MAMLD1: variants seen among roughly 807,000 people sequenced by gnomAD.
MAMLD1 encodes mastermind-like domain-containing protein 1.
MAMLD1 carries 14 observed loss-of-function variants against 45.0 expected under a neutral mutation model. The observed-to-expected ratio is 0.31, with a 90% CI of 0.21 to 0.49. The LOEUF (loss-of-function observed/expected upper bound fraction) is 0.49, where lower values mean the gene tolerates loss of function less well. MAMLD1 is among the 20% of genes least tolerant of loss of function. The pLI is 0.99. For synonymous variants in MAMLD1, 254 were observed against 247.8 expected (o/e 1.02, Z -0.24); for missense variants, 543 against 603.6 (o/e 0.90, Z 1.05).
intron 6 of MAMLD1, among the ~76,000 whole-genome samples, chrX:150,505,484 T>G (rs1389178994): frequency 1.8e-5 from 2 of 112,194 alleles, no homozygotes; most frequent in Non-Finnish European, 3.8e-5. Context: ...GTTAACTGAG[T>G]GACAGAGGGA....
intron 1 of MAMLD1, among the ~76,000 whole-genome samples, chrX:150,403,944 G>GAAAGAAAGA (rs2033901919): frequency 4.7e-5 from 2 of 42,116 alleles, no homozygotes; most frequent in Admixed American, 5.6e-4. Context: ...AGAAAGAAAA[G>GAAAGAAAGA]AAAGAAAGAA....
Position 150,382,896 on chromosome X carries a change from T to A in MAMLD1, c.-64+19366T>A, listed in dbSNP as rs1405017570. Among the ~76,000 whole-genome samples, 39 of 19,616 alleles carry A rather than the reference T, an allele frequency of 2.0e-3. 9 individuals are homozygous for A. The highest frequency in any genetic ancestry group is 0.012 in the African/African-American group (15 of 1,235). The allele number at this position is 19,616 out of a possible 115,157, so 17.0% of individuals were successfully genotyped here. The stretch of plus-strand genomic sequence containing the variant: ...TCCCATTTTATTTTATTTTTTTTTT[T>A]TTTTATTTTTTATTTTTTTTTTTTT... On this transcript the variant is annotated intron_variant, in intron 1 of 7. Transcript: ENST00000370401.
chrX:150,473,104 C>T (rs2036479062), intron 4 of MAMLD1, among the ~76,000 whole-genome samples: 1 of 112,661 alleles, frequency 8.9e-6, no homozygotes, highest in Admixed American at 9.3e-5. Flanking sequence ...CCATCAGGCC[C>T]TGCCTTGCAC....
chrX:150,482,350 G>C (rs2036842742), intron 5 of MAMLD1, among the ~76,000 whole-genome samples: 1 of 112,076 alleles, frequency 8.9e-6, no homozygotes, highest in Non-Finnish European at 1.9e-5. Context: ...TGAGTGACAG[G>C]GGCTAGGGGA....
chrX:150,434,830 T>C (rs2035069063), intron 1 of MAMLD1, among the ~76,000 whole-genome samples: 1 of 112,151 alleles, frequency 8.9e-6, no homozygotes, highest in African/African-American at 3.2e-5. Flanking sequence ...TATGTCTGAT[T>C]GTGTGGTGGA....
At chrX:150,476,840 C>G (rs1200289770) in intron 5 of MAMLD1, among the ~76,000 whole-genome samples, 2 of 113,188 alleles carry the variant, frequency 1.8e-5, no homozygotes, top group Non-Finnish European at 3.7e-5. Flanking sequence ...GAGCACCAGG[C>G]AATTGCAGAG....
In MAMLD1 at chrX:150,471,123, C is replaced by T. The variant is rs1557406489; in HGVS notation, c.1550C>T (p.Thr517Ile). 3 of 1,211,224 alleles carry T rather than the reference C, an allele frequency of 2.5e-6. No homozygotes were observed. Among genetic ancestry groups the T allele is most frequent in the Non-Finnish European group, 3.4e-6 (3 of 895,385 alleles). The change falls in exon 4 of 8, where the codon ACC becomes ATC. Residue 517 changes from threonine (T) to isoleucine (I), a missense_variant. Coordinates refer to ENST00000370401, the MANE Select transcript of MAMLD1 (RefSeq NM_005491.5). The stretch of plus-strand genomic sequence containing the variant: ...CCCATAAGCAGCAACTCATCCAAAA[C>T]CCTGAGCATGATCATGCAGCAGGGG... The part of the protein sequence containing the change: ...FKPISSNSSK[T>I]LSMIMQQGMA...
At chrX:150,378,417 A>T (rs1188672323) in intron 1 of MAMLD1, among the ~76,000 whole-genome samples, 13 of 111,951 alleles carry the variant, frequency 1.2e-4, no homozygotes, top group Non-Finnish European at 2.3e-4. Flanking sequence ...AGATATCTCC[A>T]CTGTCCAGTT....
chrX:150,407,121 A>G (rs2034017589), intron 1 of MAMLD1, among the ~76,000 whole-genome samples: 3 of 112,093 alleles, frequency 2.7e-5, no homozygotes, highest in South Asian at 7.4e-4. Context: ...CCATCTCAGG[A>G]AAAAAATAAT....
intron 1 of MAMLD1, among the ~76,000 whole-genome samples, chrX:150,413,773 A>G (rs1254988012): frequency 9.0e-6 from 1 of 110,770 alleles, no homozygotes; most frequent in Non-Finnish European, 1.9e-5. Flanking sequence ...ACCCCACAGA[A>G]GGAGAAACCA....
chrX:150,509,897 C>A, intron 6 of MAMLD1, 65 bp from the exon 7 acceptor site: 1 of 833,176 alleles, frequency 1.2e-6, no homozygotes, highest in Non-Finnish European at 1.8e-6. Context: ...CCCCACGCAG[C>A]GATCCTAAGG....
At chrX:150,363,011 G>A (rs1393556302), upstream of MAMLD1, 1 of 113,188 alleles carries the variant, frequency 8.8e-6, no homozygotes, top group African/African-American at 3.2e-5. Context: ...CTAAAGACTG[G>A]TGGGAGGGCC....
chrX:150,428,440 A>G (rs1214159877), intron 1 of MAMLD1, among the ~76,000 whole-genome samples: 1 of 112,765 alleles, frequency 8.9e-6, no homozygotes, highest in Admixed American at 9.3e-5. Context: ...ATGGCTTTGG[A>G]GTTCCTCTTT....
At chrX:150,439,514 G>A (rs2035227153) in intron 1 of MAMLD1, among the ~76,000 whole-genome samples, 2 of 111,192 alleles carry the variant, frequency 1.8e-5, no homozygotes, top group African/African-American at 6.5e-5. Context: ...TATGATATAA[G>A]GTAGGAGTCC....
chrX:150,444,148 T>G lies in MAMLD1; in HGVS notation c.-63-1306T>G, dbSNP rs184528121. 3.4e-3 allele frequency among the ~76,000 whole-genome samples: 381 copies of G among 111,910 alleles called. 8 individuals are homozygous for G. The highest frequency in any genetic ancestry group is 0.033 in the Admixed American group (347 of 10,570). Reference sequence around the variant, plus strand: ...TGAGGATTCCAACTCCCTACTAGGCTTTTACTGATACTACTCTAGTGCGGA... The same window carrying G: ...TGAGGATTCCAACTCCCTACTAGGCGTTTACTGATACTACTCTAGTGCGGA... On this transcript the variant is annotated intron_variant, in intron 1 of 7. Coordinates refer to ENST00000370401, the MANE Select transcript of MAMLD1 (RefSeq NM_005491.5).
At position 150,473,694 on chromosome X, in the gene MAMLD1, G is replaced by C; in HGVS notation, c.1932G>C (p.Leu644=). 1 of 1,211,193 alleles carries C rather than the reference G, an allele frequency of 8.3e-7. No individual in the cohort carries two copies. Among genetic ancestry groups the C allele is most frequent in the African/African-American group, 1.7e-5 (1 of 57,784 alleles). ...TTTTATTATAGGGCTGTTGCCATCTGTTTGCATGGACTTCTGCAGCTAGCT... is the reference window on the plus strand; with the variant it reads ...TTTTATTATAGGGCTGTTGCCATCTCTTTGCATGGACTTCTGCAGCTAGCT... ...PALPRQGCCH[L]FAWTSAASSV... is the part of the protein sequence containing the mutation. Residue 644 remains leucine, a synonymous_variant, in exon 5 of 8, where the codon CTG becomes CTC. Coordinates refer to ENST00000370401, the MANE Select transcript of MAMLD1 (RefSeq NM_005491.5).
chrX:150,409,832 A>T (rs1045750499), intron 1 of MAMLD1, among the ~76,000 whole-genome samples: 14 of 112,684 alleles, frequency 1.2e-4, no homozygotes, highest in African/African-American at 3.9e-4. Flanking sequence ...TCCTGTCAAA[A>T]TGTACCTGTT....
chrX:150,460,237 C>T (rs2035993376), intron 2 of MAMLD1, among the ~76,000 whole-genome samples: 1 of 111,736 alleles, frequency 8.9e-6, no homozygotes. Flanking sequence ...ATGTCCAATC[C>T]CATGTCCTGC....
intron 1 of MAMLD1, among the ~76,000 whole-genome samples, chrX:150,440,912 T>C (rs1297214561): frequency 9.6e-6 from 1 of 104,462 alleles, no homozygotes; most frequent in African/African-American, 3.4e-5. Flanking sequence ...AAATTTAAAA[T>C]ATTATTTATT....
Sources: gnomAD v4.1 joint callset for allele counts (sites outside exome capture counted in the v4.1 genomes callset) on GRCh38, gnomAD v4.1.1 for gene constraint, MANE v1.5 for transcripts, NCBI Gene and HGNC (gene_info 2026-07-23, HGNC 2026-07-21) for gene names.